FANCL: variants seen among roughly 807,000 people sequenced by gnomAD.
The protein encoded by FANCL is FA complementation group L, also known as E3 ubiquitin-protein ligase FANCL.
A neutral mutation model predicts 59.4 loss-of-function variants in FANCL; 69 were observed. The ratio of observed to expected loss-of-function variants is 1.16; its 90% CI spans 0.96 to 1.42. The LOEUF is 1.42. Ranked by LOEUF, FANCL falls within the 40% of genes most tolerant of loss-of-function variation. The probability of loss-of-function intolerance (pLI) is 0.00; values close to 1 mark genes in which losing one functional copy is unlikely to be tolerated. For synonymous variants in FANCL, 180 were observed against 147.1 expected (o/e 1.22, Z -1.62); for missense variants, 519 against 447.2 (o/e 1.16, Z -1.45).
chr2:58,226,809 T>C (rs780871027), intron 3 of FANCL, 25 bp from the exon 4 acceptor site: 6 of 1,589,244 alleles, frequency 3.8e-6, no homozygotes, highest in Non-Finnish European at 4.3e-6. Flanking sequence ...TTCCAATTAA[T>C]TTCATTTGCA....
intron 7 of FANCL, among the ~76,000 whole-genome samples, chr2:58,170,435 C>G (rs1378269893): frequency 3.4e-4 from 51 of 152,018 alleles, no homozygotes; most frequent in Admixed American, 3.3e-3. Flanking sequence ...CAAAAACATA[C>G]GAAAATGTAA....
rs776879651 is a variant in FANCL at position 58,165,872 on chromosome 2, G to T, written c.543C>A (p.Ser181Arg). 4 of 1,613,718 alleles carry T rather than the reference G, an allele frequency of 2.5e-6. No homozygotes were observed. The highest frequency in any genetic ancestry group is 2.5e-6 in the Non-Finnish European group (3 of 1,179,802). Residue 181 changes from serine to arginine, a missense_variant and splice_region_variant, in exon 8 of 14, where the codon AGC (serine) becomes AGA (arginine). Coordinates refer to ENST00000233741, the MANE Select transcript of FANCL (RefSeq NM_018062.4). ...VPFCASWTPQ[S>R]SLISIYSQFL... ...ACTGACTATAAATGCTTATTAAGGA[G>T]CTCTGTGAAAAAAATGAAAGTTGAA...
chr2:58,208,834 T>C (rs1356239351), intron 5 of FANCL, among the ~76,000 whole-genome samples: 1 of 152,192 alleles, frequency 6.6e-6, no homozygotes, highest in Non-Finnish European at 1.5e-5. Flanking sequence ...TTTTTAATCA[T>C]ATCAATCCCT....
intron 7 of FANCL, 97 bp downstream of exon 7, chr2:58,198,497 G>A (rs1345377515): frequency 8.9e-6 from 9 of 1,009,392 alleles, no homozygotes; most frequent in East Asian, 2.5e-5. Context: ...GGTATTTACA[G>A]AGGGCCCAAG....
At chr2:58,163,156 TAAC>T (rs1685458650) in intron 9 of FANCL, 82 bp from the exon 10 acceptor site, 1 of 1,213,064 alleles carries the variant, frequency 8.2e-7, no homozygotes, top group Admixed American at 1.9e-5. Context: ...GAATGTTTCT[TAAC>T]TACTTGATTA....
At chr2:58,215,682 A>AT (rs1375372032) in intron 5 of FANCL, among the ~76,000 whole-genome samples, 1 of 148,832 alleles carries the variant, frequency 6.7e-6, no homozygotes, top group East Asian at 2.0e-4. Flanking sequence ...AAGAGCCCAG[A>AT]TTGAGAGCTG....
At position 58,222,152 on chromosome 2, in the gene FANCL, C is replaced by T. The variant is rs577476743; in HGVS notation, c.274-110G>A. On this transcript the variant is annotated intron_variant, in intron 4 of 13. Transcript: ENST00000233741. ...ATCTTCTTAGTGCCTAATAAAAGTG[C>T]CTGTTTTTTTACGGAAATCTGGCTG... The T allele has an allele frequency of 3.2e-5, 24 of 756,698 alleles. No individual in the cohort carries two copies. The East Asian group carries it at 5.3e-4, about 17-fold the overall frequency. 46.9% of individuals were successfully genotyped at this position (756,698 alleles called of 1,614,324 possible).
chr2:58,204,410 C>T (rs895488769), intron 5 of FANCL, among the ~76,000 whole-genome samples, 184 bp from the exon 6 acceptor site: 1 of 152,090 alleles, frequency 6.6e-6, no homozygotes, highest in Non-Finnish European at 1.5e-5. Flanking sequence ...ATATACCAGC[C>T]TAGCACTTAA....
At chr2:58,173,427 C>A (rs1686893782) in intron 7 of FANCL, among the ~76,000 whole-genome samples, 1 of 152,320 alleles carries the variant, frequency 6.6e-6, no homozygotes, top group East Asian at 1.9e-4. Context: ...ATCAGACTAA[C>A]AGCTGATCTC....
At chr2:58,223,152 A>C (rs1692650157) in intron 4 of FANCL, among the ~76,000 whole-genome samples, 1 of 151,434 alleles carries the variant, frequency 6.6e-6, no homozygotes, top group South Asian at 2.1e-4. Context: ...AAAAAAAAAA[A>C]CAACTGGGAA....
chr2:58,179,500 A>G (rs1687705510), intron 7 of FANCL, among the ~76,000 whole-genome samples: 1 of 152,230 alleles, frequency 6.6e-6, no homozygotes, highest in Admixed American at 6.5e-5. Flanking sequence ...TTCCCTATTT[A>G]TTAAACGGTG....
At chr2:58,224,682 A>C (rs938716348) in intron 4 of FANCL, among the ~76,000 whole-genome samples, 35 of 151,876 alleles carry the variant, frequency 2.3e-4, no homozygotes, top group African/African-American at 8.0e-4. Flanking sequence ...TAGTATTGTA[A>C]TTTTTATATA....
intron 5 of FANCL, among the ~76,000 whole-genome samples, chr2:58,212,066 A>C (rs1691216896): frequency 6.6e-6 from 1 of 152,150 alleles, no homozygotes; most frequent in South Asian, 2.1e-4. Flanking sequence ...AATTTACTGT[A>C]TTAGTCTGTT....
intron 7 of FANCL, among the ~76,000 whole-genome samples, chr2:58,183,076 C>T (rs1468946546): frequency 6.6e-6 from 1 of 151,714 alleles, no homozygotes. Context: ...ACATATAGTA[C>T]TCATCCTAGA....
intron 7 of FANCL, among the ~76,000 whole-genome samples, chr2:58,167,884 C>A (rs1025756365): frequency 1.3e-5 from 2 of 152,110 alleles, no homozygotes; most frequent in Non-Finnish European, 2.9e-5. Flanking sequence ...ACTATTATAT[C>A]AGTAAGCTAT....
At chr2:58,238,423 A>G (rs1694220449) in intron 1 of FANCL, among the ~76,000 whole-genome samples, 1 of 152,214 alleles carries the variant, frequency 6.6e-6, no homozygotes, top group Non-Finnish European at 1.5e-5. Flanking sequence ...GGTTTGAAGT[A>G]AATAGCAGCA....
chr2:58,241,206 C>G lies in FANCL; in HGVS notation c.96+12G>C, dbSNP rs748627103. 1.2e-6 allele frequency: 2 copies of G among 1,614,130 alleles called. No individual in the cohort carries two copies. The highest frequency in any genetic ancestry group is 2.2e-5 in the East Asian group (1 of 44,888). On this transcript the variant is annotated intron_variant, in intron 1 of 13. Transcript: ENST00000233741. ...GGCTCTCTTAGCTAGAAAGCAACCA[C>G]TGGGCGGGTACCTGAGCCGAGATGA...
chr2:58,182,941 T>C (rs78035081), intron 7 of FANCL, among the ~76,000 whole-genome samples: 10,327 of 151,816 alleles, frequency 0.068, 439 homozygotes, highest in Middle Eastern at 0.085. Context: ...GTTACTTACC[T>C]CCCTTAGCAT....
intron 7 of FANCL, among the ~76,000 whole-genome samples, chr2:58,181,602 T>C (rs1687945237): frequency 6.6e-6 from 1 of 151,994 alleles, no homozygotes; most frequent in African/African-American, 2.4e-5. Flanking sequence ...TTACTTTGTA[T>C]AGAACTAAAA....
Sources: gnomAD v4.1 joint callset for allele counts (sites outside exome capture counted in the v4.1 genomes callset) on GRCh38, gnomAD v4.1.1 for gene constraint, MANE v1.5 for transcripts, NCBI Gene and HGNC (gene_info 2026-07-23, HGNC 2026-07-21) for gene names.